Variants in VIPAS39 observed in about 807,000 individuals in gnomAD.
VIPAS39 encodes VPS33B interacting protein, apical-basolateral polarity regulator, spe-39 homolog.
A neutral mutation model predicts 84.7 loss-of-function variants in VIPAS39; 63 were observed. The observed-to-expected ratio is 0.74, with a 90% CI of 0.61 to 0.92. The LOEUF is 0.92. Among genes scored for constraint, VIPAS39 ranks in the 40% least tolerant of loss-of-function variants. The pLI, the probability that VIPAS39 is intolerant of heterozygous loss-of-function variation, is 0.00. For synonymous variants in VIPAS39, 192 were observed against 216.5 expected (o/e 0.89, Z 0.99); for missense variants, 499 against 604.5 (o/e 0.83, Z 1.83).
Position 77,437,868 on chromosome 14 carries a change from C to T in VIPAS39, c.776G>A (p.Arg259Gln), listed in dbSNP as rs758720673. 5.0e-6 allele frequency: 8 copies of T among 1,613,904 alleles called. No homozygotes were observed. Among genetic ancestry groups the T allele is most frequent in the Non-Finnish European group, 6.8e-6 (8 of 1,180,020 alleles). Residue 259 changes from arginine (R) to glutamine (Q), a missense_variant, in exon 12 of 20, where the codon CGA (arginine) becomes CAA (glutamine). By Grantham distance (43) the Arg-to-Gln change is conservative. Coordinates refer to ENST00000557658, the MANE Select transcript of VIPAS39 (RefSeq NM_001193315.2). ...AGGGTCCTGAATGTTCAAATGCTCT[C>T]GATAATGAGATAGCTACAAAAAGCA... ...RTEELALSHY[R>Q]EHLNIQDPDK...
At chr14:77,430,524 C>A (rs923265515) in intron 16 of VIPAS39, among the ~76,000 whole-genome samples, 2 of 152,018 alleles carry the variant, frequency 1.3e-5, no homozygotes, top group Non-Finnish European at 2.9e-5. Context: ...CGAGACCAGC[C>A]TGGCCAACAT....
At chr14:77,432,686 T>C (rs1483663831) in intron 16 of VIPAS39, among the ~76,000 whole-genome samples, 1 of 152,186 alleles carries the variant, frequency 6.6e-6, no homozygotes, top group Non-Finnish European at 1.5e-5. Context: ...AATAACCTCA[T>C]GATCTCACTC....
intron 10 of VIPAS39, 116 bp from the exon 11 acceptor site, chr14:77,441,209 T>A (rs1040290007): frequency 9.0e-7 from 1 of 1,113,266 alleles, no homozygotes; most frequent in Admixed American, 1.8e-5. Context: ...TTTCCCTCTA[T>A]ACACAAGATA....
chr14:77,430,595 T>C (rs2078506163), intron 16 of VIPAS39, among the ~76,000 whole-genome samples: 1 of 152,046 alleles, frequency 6.6e-6, no homozygotes, highest in Admixed American at 6.5e-5. Flanking sequence ...CGCATGCCTT[T>C]AATCCCAGCT....
intron 1 of VIPAS39, among the ~76,000 whole-genome samples, chr14:77,455,551 T>C (rs2078948136): frequency 6.6e-6 from 1 of 152,140 alleles, no homozygotes; most frequent in Non-Finnish European, 1.5e-5. Flanking sequence ...ATGAAAACTA[T>C]GATTTAAGCC....
intron 16 of VIPAS39, among the ~76,000 whole-genome samples, chr14:77,433,367 A>G (rs1303672888): frequency 3.3e-5 from 5 of 152,042 alleles, no homozygotes; most frequent in Admixed American, 3.3e-4. Flanking sequence ...CACCCAGCTA[A>G]TTTTTGTATT....
At position 77,433,931 on chromosome 14, in the gene VIPAS39, T is replaced by C. The variant is rs762568295; in HGVS notation, c.1090A>G (p.Ile364Val). ...SPVNLKKTFK[I>V]PDKQYVLTAL... The stretch of plus-strand genomic sequence containing the variant: ...GTCAGCACATACTGTTTATCTGGGA[T>C]CTGGAAAGCAGAGACCGAGAAAAAT... The change falls in exon 16 of 20, where the codon ATC (isoleucine) becomes GTC (valine). Residue 364 changes from isoleucine (I) to valine (V), a missense_variant and splice_region_variant. By Grantham distance (29) the Ile-to-Val change is conservative (BLOSUM62 3). Transcript: ENST00000557658. 4 of 1,613,940 alleles carry C rather than the reference T, an allele frequency of 2.5e-6. No homozygotes were observed. Among genetic ancestry groups the C allele is most frequent in the East Asian group, 4.5e-5 (2 of 44,860 alleles).
intron 12 of VIPAS39, among the ~76,000 whole-genome samples, chr14:77,437,565 T>G (rs767547282): frequency 1.3e-5 from 2 of 152,172 alleles, no homozygotes; most frequent in Admixed American, 1.3e-4. Flanking sequence ...TAAATAAATT[T>G]AGCTTTAGGA....
intron 18 of VIPAS39, among the ~76,000 whole-genome samples, chr14:77,428,706 TG>T (rs1389331682): frequency 6.6e-6 from 1 of 152,164 alleles, no homozygotes; most frequent in African/African-American, 2.4e-5. Flanking sequence ...GGGATAACAG[TG>T]GGGTCCAGTG....
intron 11 of VIPAS39, among the ~76,000 whole-genome samples, chr14:77,438,511 G>A (rs958353234): frequency 2.6e-5 from 4 of 152,346 alleles, no homozygotes; most frequent in Admixed American, 6.5e-5. Flanking sequence ...TTACAGGCGT[G>A]AGCCACCACG....
At chr14:77,444,935 AT>A (rs1287365311) in intron 7 of VIPAS39, among the ~76,000 whole-genome samples, 2 of 148,702 alleles carry the variant, frequency 1.3e-5, no homozygotes, top group African/African-American at 4.9e-5. Flanking sequence ...ACAGTAAAAC[AT>A]ACCCTATTTA....
intron 1 of VIPAS39, among the ~76,000 whole-genome samples, chr14:77,455,307 T>C (rs1240589374): frequency 6.6e-6 from 1 of 151,956 alleles, no homozygotes; most frequent in African/African-American, 2.4e-5. Context: ...ATTGTAAAAC[T>C]GTCTCTACAA....
chr14:77,434,257 TCTAC>T lies in VIPAS39; in HGVS notation c.1089+1_1089+4del. The T allele has an allele frequency of 6.2e-7, 1 of 1,614,014 alleles. No individual in the cohort carries two copies. Among genetic ancestry groups the T allele is most frequent in the Non-Finnish European group, 8.5e-7 (1 of 1,179,882 alleles). Reference sequence around the variant, plus strand: ...GTTTCATAACACTGACCAATTTGTATCTACCTTAAATGTCTTCTTCAGGTTGACG... The same window carrying T: ...GTTTCATAACACTGACCAATTTGTATCTTAAATGTCTTCTTCAGGTTGACG... On this transcript the variant is annotated splice_donor_variant and splice_donor_region_variant and intron_variant, in intron 15 of 19. Transcript: ENST00000557658. LOFTEE classifies it high-confidence loss of function.
intron 19 of VIPAS39, among the ~76,000 whole-genome samples, chr14:77,427,875 C>G (rs772361349): frequency 1.2e-4 from 18 of 152,154 alleles, no homozygotes; most frequent in Non-Finnish European, 2.4e-4. Context: ...GGTCATTTGA[C>G]CCTAAGGTAG....
chr14:77,427,102 G>A lies in VIPAS39; in HGVS notation c.*514C>T, dbSNP rs1459110413. The stretch of plus-strand genomic sequence containing the variant: ...ACGTCTAGGCCATGTGTGGCATAAT[G>A]TGGAGGGGTCTGTGCAGTCTGGTGT... On this transcript the variant is annotated 3_prime_UTR_variant, in exon 20 of 20. Coordinates refer to ENST00000557658, the MANE Select transcript of VIPAS39 (RefSeq NM_001193315.2). 1 of 162,070 alleles carries A rather than the reference G, an allele frequency of 6.2e-6. No homozygotes were observed. The highest frequency in any genetic ancestry group is 1.4e-5 in the Non-Finnish European group (1 of 73,570). The allele number at this position is 162,070 out of a possible 1,614,324, so 10.0% of individuals were successfully genotyped here.
At chr14:77,431,757 A>G (rs991172342) in intron 16 of VIPAS39, among the ~76,000 whole-genome samples, 2 of 152,234 alleles carry the variant, frequency 1.3e-5, no homozygotes, top group Non-Finnish European at 2.9e-5. Context: ...AATAAATGAA[A>G]TCATCACCTC....
intron 12 of VIPAS39, among the ~76,000 whole-genome samples, chr14:77,436,577 T>C (rs1280359810): frequency 3.3e-5 from 5 of 152,160 alleles, no homozygotes. Flanking sequence ...CCAGAGTAGC[T>C]GGGACTACAG....
chr14:77,457,501 C>G lies in VIPAS39; in HGVS notation c.-7G>C, dbSNP rs974199655. 11 of 1,068,304 alleles carry G rather than the reference C, an allele frequency of 1.0e-5. No individual in the cohort carries two copies. The highest frequency in any genetic ancestry group is 2.6e-5 in the East Asian group (1 of 38,570). The allele number at this position is 1,068,304 out of a possible 1,614,324, so 66.2% of individuals were successfully genotyped here. ...GGGCTTGGGACACCCTCACCTCTTC[C>G]GCACAGAGCCCTCCCTCTCAGGACA... On this transcript the variant is annotated 5_prime_UTR_variant, in exon 1 of 20. Coordinates refer to ENST00000557658, the MANE Select transcript of VIPAS39 (RefSeq NM_001193315.2).
intron 5 of VIPAS39, 32 bp from the exon 6 acceptor site, chr14:77,449,389 G>A: frequency 6.2e-7 from 1 of 1,612,058 alleles, no homozygotes; most frequent in Non-Finnish European, 8.5e-7. Flanking sequence ...GTTCAGAAGG[G>A]CACCATGAAT....
Sources: allele counts gnomAD v4.1 joint callset (sites outside exome capture counted in the v4.1 genomes callset), GRCh38; gene constraint gnomAD v4.1.1; transcripts MANE v1.5; gene names NCBI Gene and HGNC (gene_info 2026-07-23, HGNC 2026-07-21).